Variants in PIK3C2G observed in about 807,000 individuals in gnomAD.
PIK3C2G encodes the protein phosphatidylinositol-4-phosphate 3-kinase catalytic subunit type 2 gamma.
A neutral mutation model predicts 181.1 loss-of-function variants in PIK3C2G; 168 were observed. The observed-to-expected ratio is 0.93, with a 90% CI of 0.82 to 1.05. The LOEUF (loss-of-function observed/expected upper bound fraction) is 1.05, where lower values mean the gene tolerates loss of function less well. PIK3C2G is among the 50% of genes least tolerant of loss of function. The pLI is 0.00. For missense variants in PIK3C2G, 1,869 were observed against 1,732.8 expected (o/e 1.08, Z -1.40); for synonymous variants, 573 against 592.2 (o/e 0.97, Z 0.47).
intron 29 of PIK3C2G, among the ~76,000 whole-genome samples, chr12:18,584,035 G>T (rs898360069): frequency 2.1e-5 from 3 of 146,196 alleles, no homozygotes; most frequent in Admixed American, 6.8e-5. Flanking sequence ...TTGTTTTTTT[G>T]TTTTTTTTTT....
rs1949246923 is a variant in PIK3C2G, at chr12:18,282,149, A to G, written c.68A>G (p.Glu23Gly). The G allele has an allele frequency of 3.1e-6, 5 of 1,610,664 alleles. No homozygotes were observed. In the African/African-American group the frequency reaches 4.0e-5, roughly 13 times the overall value. ...CACGAAAAGCAGTATGAACACCAAGAATTTCTCTTTGTAAATCAACCCCAT... is the reference window on the plus strand; with the variant it reads ...CACGAAAAGCAGTATGAACACCAAGGATTTCTCTTTGTAAATCAACCCCAT... ...ESHEKQYEHQ[E>G]FLFVNQPHSS... Residue 23 changes from glutamate to glycine, a missense_variant, in exon 2 of 33, where the codon GAA becomes GGA. Physicochemically the swap from Glu to Gly is moderately conservative, Grantham distance 98. Transcript: ENST00000538779.
At chr12:18,494,504 T>A (rs1180310544) in intron 20 of PIK3C2G, among the ~76,000 whole-genome samples, 1 of 152,096 alleles carries the variant, frequency 6.6e-6, no homozygotes, top group Non-Finnish European at 1.5e-5. Flanking sequence ...TACTAGTTGT[T>A]GAATACATAT....
chr12:18,486,441 C>T (rs1940040962), intron 18 of PIK3C2G, among the ~76,000 whole-genome samples: 1 of 152,008 alleles, frequency 6.6e-6, no homozygotes, highest in African/African-American at 2.4e-5. Context: ...TGAACAAGTT[C>T]ATTTCAATAG....
At chr12:18,449,525 T>A (rs1290723043) in intron 18 of PIK3C2G, among the ~76,000 whole-genome samples, 1 of 152,140 alleles carries the variant, frequency 6.6e-6, no homozygotes, top group African/African-American at 2.4e-5. Flanking sequence ...ATTGTTCAAC[T>A]CCCACTTATG....
upstream of PIK3C2G, among the ~76,000 whole-genome samples, chr12:18,260,046 A>G (rs1382731050): frequency 1.3e-5 from 2 of 152,158 alleles, no homozygotes; most frequent in East Asian, 3.8e-4. Flanking sequence ...AGTACAAGGT[A>G]CATTTTTGTA....
At chr12:18,320,888 A>G in intron 6 of PIK3C2G, 74 bp from the exon 7 acceptor site, 2 of 757,712 alleles carry the variant, frequency 2.6e-6, no homozygotes, top group Non-Finnish European at 4.5e-6. Flanking sequence ...GACAGCAGGA[A>G]GTTACGGACC....
At chr12:18,292,697 T>C (rs897340109) in intron 4 of PIK3C2G, among the ~76,000 whole-genome samples, 2 of 152,196 alleles carry the variant, frequency 1.3e-5, no homozygotes, top group African/African-American at 4.8e-5. Context: ...ATAGCATGTC[T>C]ACATTTTGAG....
At chr12:18,495,934 A>G in intron 20 of PIK3C2G, 128 bp from the exon 21 acceptor site, 2 of 505,884 alleles carry the variant, frequency 4.0e-6, no homozygotes, top group Non-Finnish European at 6.9e-6. Context: ...AAAATTATTC[A>G]TATGTGTTAC....
At chr12:18,657,775 A>C in the PIK3C2G span, among the ~76,000 whole-genome samples, 1 of 152,318 alleles carries the variant, frequency 6.6e-6, no homozygotes, top group Admixed American at 6.5e-5. Flanking sequence ...CTTCAACAAA[A>C]AATTGTGAAG....
chr12:18,365,948 C>G (rs933430962), intron 12 of PIK3C2G, among the ~76,000 whole-genome samples: 1 of 152,144 alleles, frequency 6.6e-6, no homozygotes, highest in African/African-American at 2.4e-5. Context: ...CTTAATGGCT[C>G]TCTTCTCAAA....
At chr12:18,446,106 T>C (rs1247367959) in intron 18 of PIK3C2G, among the ~76,000 whole-genome samples, 1 of 152,190 alleles carries the variant, frequency 6.6e-6, no homozygotes. Flanking sequence ...AGCAACAGAC[T>C]GTATAATCTC....
At chr12:18,513,085 G>A (rs1942316737) in intron 24 of PIK3C2G, among the ~76,000 whole-genome samples, 1 of 151,654 alleles carries the variant, frequency 6.6e-6, no homozygotes, top group East Asian at 1.9e-4. Context: ...TGTAAATTTA[G>A]TGTATCACAT....
At chr12:18,362,100 C>T (rs558355362) in intron 11 of PIK3C2G, among the ~76,000 whole-genome samples, 15 of 152,102 alleles carry the variant, frequency 9.9e-5, no homozygotes, top group African/African-American at 2.2e-4. Context: ...GTTGGACACA[C>T]GAATCAACTC....
upstream of PIK3C2G, chr12:18,247,532 G>A (rs1347950870): frequency 6.6e-6 from 1 of 152,218 alleles, no homozygotes; most frequent in African/African-American, 2.4e-5. Flanking sequence ...CAATGCATAG[G>A]ATTTTATGGT....
intron 29 of PIK3C2G, among the ~76,000 whole-genome samples, chr12:18,592,189 T>C (rs1334461922): frequency 6.6e-6 from 1 of 151,852 alleles, no homozygotes; most frequent in Non-Finnish European, 1.5e-5. Context: ...GATTTATGCA[T>C]CATTATAGAT....
At chr12:18,606,031 C>G (rs1592700047) in intron 30 of PIK3C2G, among the ~76,000 whole-genome samples, 1 of 152,242 alleles carries the variant, frequency 6.6e-6, no homozygotes, top group Non-Finnish European at 1.5e-5. Flanking sequence ...ACAGTCAAAG[C>G]TACAGAAATA....
chr12:18,498,243 A>T (rs2136092846), intron 22 of PIK3C2G, among the ~76,000 whole-genome samples: 1 of 152,352 alleles, frequency 6.6e-6, no homozygotes, highest in East Asian at 1.9e-4. Flanking sequence ...GTAAATATTG[A>T]ACATATGTCA....
intron 18 of PIK3C2G, among the ~76,000 whole-genome samples, chr12:18,444,159 A>T (rs1003112994): frequency 1.3e-5 from 2 of 152,132 alleles, no homozygotes; most frequent in African/African-American, 4.8e-5. Context: ...CTCCAAACAC[A>T]CTATAAGCCA....
intron 1 of PIK3C2G, among the ~76,000 whole-genome samples, chr12:18,273,090 T>A (rs1165347095): frequency 6.6e-6 from 1 of 151,856 alleles, no homozygotes; most frequent in African/African-American, 2.4e-5. Context: ...GATGCTAGAA[T>A]TACTCATTTT....
Sources: gnomAD v4.1 joint callset for allele counts (sites outside exome capture counted in the v4.1 genomes callset) on GRCh38, gnomAD v4.1.1 for gene constraint, MANE v1.5 for transcripts, NCBI Gene and HGNC (gene_info 2026-07-23, HGNC 2026-07-21) for gene names.